SCP2: variants seen among roughly 807,000 people sequenced by gnomAD.
SCP2 encodes the protein sterol carrier protein 2.
A neutral mutation model predicts 71.4 loss-of-function variants in SCP2; 48 were observed. The ratio of observed to expected loss-of-function variants is 0.67; its 90% confidence interval spans 0.53 to 0.86. The LOEUF (loss-of-function observed/expected upper bound fraction) is 0.86, where lower values mean the gene tolerates loss of function less well. Ranked by LOEUF, SCP2 falls within the 40% of genes least tolerant of loss-of-function variation. The pLI, the probability that SCP2 is intolerant of heterozygous loss-of-function variation, is 0.00. For synonymous variants in SCP2, 220 were observed against 218.1 expected, an observed-to-expected ratio of 1.01 and a Z score of -0.08; for missense variants, 560 against 655.6, an observed-to-expected ratio of 0.85 and a Z score of 1.59.
chr1:52,938,481 C>A (rs578134154), intron 1 of SCP2, among the ~76,000 whole-genome samples: 2 of 152,154 alleles, frequency 1.3e-5, no homozygotes, highest in Non-Finnish European at 2.9e-5. Context: ...TTTTTTGCTT[C>A]TGTCTTAGCC....
At chr1:52,968,463 A>G (rs1453077704) in intron 6 of SCP2, among the ~76,000 whole-genome samples, 2 of 151,930 alleles carry the variant, frequency 1.3e-5, no homozygotes, top group Non-Finnish European at 2.9e-5. Context: ...GGAGAATTCA[A>G]TATTTTATTT....
In SCP2 at chr1:52,978,258, A is replaced by T. The variant is rs1352530131; in HGVS notation, c.716A>T (p.Glu239Val). 6.2e-7 allele frequency: 1 copy of T among 1,614,106 alleles called. No individual in the cohort carries two copies. The highest frequency in any genetic ancestry group is 1.7e-5 in the Admixed American group (1 of 60,030). ...GCTGCAGCAGCAATTTTGGCCAGTG[A>T]AGCATTTGTACAGAAGTATGGCCTG... Reference protein sequence around the residue: ...DGAAAAILASEAFVQKYGLQS... With the variant: ...DGAAAAILASVAFVQKYGLQS... The change falls in exon 9 of 16, where the codon GAA becomes GTA. Residue 239 changes from glutamate (E) to valine (V), a missense_variant. Glu to Val is a moderately radical substitution (Grantham distance 121). Coordinates refer to ENST00000371514, the MANE Select transcript of SCP2 (RefSeq NM_002979.5).
chr1:53,022,587 G>A (rs1001389283), intron 12 of SCP2, among the ~76,000 whole-genome samples: 11 of 152,110 alleles, frequency 7.2e-5, no homozygotes, highest in African/African-American at 2.4e-4. Context: ...ATCACTTTTT[G>A]AGGGCCTGGT....
chr1:52,949,629 A>G (rs1655114794), intron 3 of SCP2, among the ~76,000 whole-genome samples: 1 of 152,146 alleles, frequency 6.6e-6, no homozygotes, highest in Admixed American at 6.5e-5. Context: ...AGAACTTTTT[A>G]AAAGAGGCAA....
chr1:52,998,583 T>C (rs1660094412), intron 11 of SCP2, among the ~76,000 whole-genome samples: 1 of 151,286 alleles, frequency 6.6e-6, no homozygotes, highest in African/African-American at 2.4e-5. Context: ...ATACAAAAAT[T>C]AGTCAGGCGT....
chr1:52,987,004 ATATTTTTT>A (rs1381331246), intron 10 of SCP2, among the ~76,000 whole-genome samples: 20 of 93,742 alleles, frequency 2.1e-4, no homozygotes, highest in African/African-American at 6.5e-4. Context: ...ATATATATAT[ATATTTTTT>A]TTTTTTTTTT....
At chr1:52,936,156 C>T (rs1049004519) in intron 1 of SCP2, among the ~76,000 whole-genome samples, 1 of 152,102 alleles carries the variant, frequency 6.6e-6, no homozygotes, top group African/African-American at 2.4e-5. Context: ...TTGGAAAATA[C>T]AATTATTTTT....
At chr1:52,929,870 G>A (rs1312002431) in intron 1 of SCP2, among the ~76,000 whole-genome samples, 1 of 152,116 alleles carries the variant, frequency 6.6e-6, no homozygotes, top group East Asian at 1.9e-4. Flanking sequence ...TGATCCACCC[G>A]CCTCGGACTC....
intron 12 of SCP2, among the ~76,000 whole-genome samples, chr1:53,025,498 G>A (rs1252520979): frequency 2.6e-5 from 4 of 152,022 alleles, no homozygotes; most frequent in Non-Finnish European, 5.9e-5. Context: ...ACAGAACTTG[G>A]ATCCCCTCTA....
At chr1:52,935,444 G>A (rs1653634511) in intron 1 of SCP2, among the ~76,000 whole-genome samples, 1 of 151,592 alleles carries the variant, frequency 6.6e-6, no homozygotes, top group Non-Finnish European at 1.5e-5. Flanking sequence ...ACAAAAATTA[G>A]CCAGGCGTGG....
chr1:52,991,390 TTTTTTTC>T (rs1248826347), intron 11 of SCP2, among the ~76,000 whole-genome samples: 1 of 148,536 alleles, frequency 6.7e-6, no homozygotes, highest in Non-Finnish European at 1.5e-5. Context: ...CCTCTTGTTT[TTTTTTTC>T]TTTTTTCTTT....
chr1:52,953,855 G>A (rs1488842091), intron 4 of SCP2, among the ~76,000 whole-genome samples: 4 of 150,180 alleles, frequency 2.7e-5, no homozygotes, highest in African/African-American at 9.8e-5. Flanking sequence ...AAGAAAACTG[G>A]TCATGGTGCC....
chr1:53,023,707 GC>G (rs1557616170), intron 12 of SCP2, among the ~76,000 whole-genome samples: 1 of 152,096 alleles, frequency 6.6e-6, no homozygotes, highest in Non-Finnish European at 1.5e-5. Context: ...AGCAGCAGTG[GC>G]AAAGGCATAG....
In SCP2 at chr1:52,927,299, G is replaced by A; in HGVS notation, c.-98G>A. ...TCACGCGCCTGTGTTGCCGCCCGCG[G>A]CCCTGGCTTCGGGCTTCAGGGAGCT... On this transcript the variant is annotated 5_prime_UTR_variant, in exon 1 of 16. Transcript: ENST00000371514. 1 of 1,084,570 alleles carries A rather than the reference G, an allele frequency of 9.2e-7. No individual in the cohort carries two copies. The highest frequency in any genetic ancestry group is 1.4e-6 in the Non-Finnish European group (1 of 732,884). The allele number at this position is 1,084,570 out of a possible 1,614,324, so 67.2% of individuals were successfully genotyped here.
intron 12 of SCP2, among the ~76,000 whole-genome samples, chr1:53,026,621 A>G (rs543110699): frequency 6.6e-6 from 1 of 151,528 alleles, no homozygotes; most frequent in African/African-American, 2.4e-5. Context: ...CAGCCTGGGC[A>G]ACATAACAAG....
chr1:52,957,187 C>T (rs1042752288), intron 5 of SCP2, among the ~76,000 whole-genome samples: 3 of 152,106 alleles, frequency 2.0e-5, no homozygotes, highest in African/African-American at 4.8e-5. Context: ...GGATTACAGG[C>T]GTGAGCCACT....
chr1:53,022,536 T>A (rs1002109691), intron 12 of SCP2, among the ~76,000 whole-genome samples: 1 of 152,120 alleles, frequency 6.6e-6, no homozygotes, highest in African/African-American at 2.4e-5. Context: ...AAAACTGGGG[T>A]CTTTGTATTT....
At chr1:52,962,268 T>A (rs1656536255) in intron 6 of SCP2, among the ~76,000 whole-genome samples, 1 of 152,176 alleles carries the variant, frequency 6.6e-6, no homozygotes, top group Non-Finnish European at 1.5e-5. Context: ...CTATTCATAC[T>A]CTACATTCAA....
intron 2 of SCP2, among the ~76,000 whole-genome samples, chr1:52,942,433 C>A (rs931177087): frequency 2.6e-5 from 4 of 151,938 alleles, no homozygotes; most frequent in African/African-American, 9.7e-5. Context: ...GTGTATGGGT[C>A]CTGGTTCTCT....
Sources: gnomAD v4.1 joint callset for allele counts (sites outside exome capture counted in the v4.1 genomes callset) on GRCh38, gnomAD v4.1.1 for gene constraint, MANE v1.5 for transcripts, NCBI Gene and HGNC (gene_info 2026-07-23, HGNC 2026-07-21) for gene names.